Variants in MAD1L1 observed in about 807,000 individuals in gnomAD.
MAD1L1 encodes mitotic arrest deficient 1 like 1.
A neutral mutation model predicts 96.9 loss-of-function variants in MAD1L1; 95 were observed. That is an observed-to-expected ratio of 0.98 (90% CI 0.83 to 1.16). The LOEUF is 1.16. Among genes scored for constraint, MAD1L1 ranks in the 50% most tolerant of loss-of-function variants. The pLI is 0.00. For synonymous variants in MAD1L1, 473 were observed against 396.6 expected (o/e 1.19, Z -2.29); for missense variants, 1,007 against 954.4 (o/e 1.06, Z -0.73).
intron 12 of MAD1L1, among the ~76,000 whole-genome samples, chr7:2,047,291 G>A (rs760732168): frequency 3.3e-5 from 5 of 152,182 alleles, no homozygotes; most frequent in East Asian, 3.9e-4. Flanking sequence ...CCACCGGCAC[G>A]AGGAAACCCT....
Position 1,876,868 on chromosome 7 carries a change from TG to T in MAD1L1, c.1998+21331del, listed in dbSNP as rs1328117176. 2.8e-5 allele frequency among the ~76,000 whole-genome samples: 4 copies of T among 140,410 alleles called. No individual in the cohort carries two copies. The East Asian group carries it at 8.5e-4, about 30-fold the overall frequency. 92.1% of individuals were successfully genotyped at this position (140,410 alleles called of 152,430 possible). On this transcript the variant is annotated intron_variant, in intron 18 of 18. Transcript: ENST00000265854. ...ACACGCACAGGATGTCAACAGTATT[TG>T]TAGAATTAGCGAGGCAGCATGGGAA...
chr7:2,099,692 A>G (rs1786678926), intron 11 of MAD1L1, among the ~76,000 whole-genome samples: 1 of 152,234 alleles, frequency 6.6e-6, no homozygotes, highest in Non-Finnish European at 1.5e-5. Flanking sequence ...GACGTGGTTC[A>G]GAAGAGGTAC....
At chr7:2,212,128 G>A (rs55807679) in intron 10 of MAD1L1, among the ~76,000 whole-genome samples, 3,989 of 152,326 alleles carry the variant, frequency 0.026, 179 homozygotes, top group African/African-American at 0.091. Context: ...AAGGGCAGGG[G>A]CCAACTGAGC....
At chr7:2,149,826 C>A (rs1001978463) in intron 10 of MAD1L1, among the ~76,000 whole-genome samples, 1 of 152,204 alleles carries the variant, frequency 6.6e-6, no homozygotes, top group Non-Finnish European at 1.5e-5. Context: ...CAGCTGAGCT[C>A]GGCCCGAGCC....
chr7:2,214,899 T>C (rs1000672201), intron 9 of MAD1L1, among the ~76,000 whole-genome samples: 1 of 152,182 alleles, frequency 6.6e-6, no homozygotes, highest in Non-Finnish European at 1.5e-5. Context: ...AGTTTCCTGC[T>C]GCAACCGAAA....
At chr7:2,210,892 T>A (rs1307855887) in intron 10 of MAD1L1, among the ~76,000 whole-genome samples, 1 of 152,102 alleles carries the variant, frequency 6.6e-6, no homozygotes, top group Admixed American at 6.5e-5. Flanking sequence ...CCTCTCCAAC[T>A]CACAGGGCCC....
At chr7:1,970,039 T>C (rs1583951535) in intron 15 of MAD1L1, among the ~76,000 whole-genome samples, 1 of 152,330 alleles carries the variant, frequency 6.6e-6, no homozygotes, top group Non-Finnish European at 1.5e-5. Flanking sequence ...CTGACTTTTA[T>C]ACACAAACAA....
rs1319667231 is a variant in MAD1L1, at chr7:2,219,294, T to C, written c.596+38A>G. 31 of 1,529,462 alleles carry C rather than the reference T, an allele frequency of 2.0e-5. No homozygotes were observed. The East Asian group carries it at 6.9e-4, about 34-fold the overall frequency. The allele number at this position is 1,529,462 out of a possible 1,614,324, so 94.7% of individuals were successfully genotyped here. A position where few individuals can be genotyped will look rare whatever the true frequency, so the allele number is the denominator to read the frequency against. ...GAGGTGGGACGCATGCCCCCACACG[T>C]GACCCGACCCCCGACCCCACACCCT... is the stretch of plus-strand genomic sequence containing the variant. On this transcript the variant is annotated intron_variant, in intron 6 of 18. Transcript: ENST00000265854.
chr7:2,216,115 G>A lies in MAD1L1; in HGVS notation c.809+42C>T, dbSNP rs530792153. On this transcript the variant is annotated intron_variant, in intron 8 of 18. Coordinates refer to ENST00000265854, the MANE Select transcript of MAD1L1 (RefSeq NM_001013836.2). ...AGTGGGCTCCATGTGCACAAACCCA[G>A]ACTCACTCGAGGCGGCTGCCCCATC... 136 of 1,608,760 alleles carry A rather than the reference G, an allele frequency of 8.5e-5. 2 individuals carry two copies. The South Asian group carries it at 1.4e-3, about 16-fold the overall frequency.
At chr7:1,892,873 G>A (rs1786635089) in intron 18 of MAD1L1, among the ~76,000 whole-genome samples, 1 of 152,172 alleles carries the variant, frequency 6.6e-6, no homozygotes, top group Non-Finnish European at 1.5e-5. Flanking sequence ...AACTGCATTT[G>A]CTCTGTGTCC....
intron 11 of MAD1L1, among the ~76,000 whole-genome samples, chr7:2,087,498 C>G (rs562784399): frequency 9.8e-5 from 15 of 152,308 alleles, no homozygotes; most frequent in African/African-American, 3.6e-4. Flanking sequence ...CGAGATCGCA[C>G]CACTGCACTC....
intron 18 of MAD1L1, among the ~76,000 whole-genome samples, chr7:1,889,685 T>C (rs961592035): frequency 6.6e-6 from 1 of 152,218 alleles, no homozygotes; most frequent in Non-Finnish European, 1.5e-5. Flanking sequence ...CACGCTTCTT[T>C]CCCCTGGGCT....
chr7:2,044,002 C>T (rs1445356284), intron 12 of MAD1L1, among the ~76,000 whole-genome samples: 2 of 152,318 alleles, frequency 1.3e-5, no homozygotes, highest in Middle Eastern at 3.4e-3. Context: ...ACGCAATGGA[C>T]GGCGGCAGCA....
At chr7:2,113,758 A>T (rs1007261596) in intron 11 of MAD1L1, among the ~76,000 whole-genome samples, 1 of 152,194 alleles carries the variant, frequency 6.6e-6, no homozygotes, top group African/African-American at 2.4e-5. Context: ...TCACACACCC[A>T]GAGGGACATG....
rs539341658 is a variant in MAD1L1 at position 2,079,227 on chromosome 7, A to G, written c.1074-9889T>C. Among the ~76,000 whole-genome samples, 20 of 152,236 alleles carry G rather than the reference A, an allele frequency of 1.3e-4. 1 individual carries two copies. The highest frequency in any genetic ancestry group is 4.3e-4 in the African/African-American group (18 of 41,542). On this transcript the variant is annotated intron_variant, in intron 11 of 18. Transcript: ENST00000265854. The stretch of plus-strand genomic sequence containing the variant: ...CCTCCTCCCTGGGGGGCAGGTTCAG[A>G]CTCGGAAGGGGCTGGGACTCCGAGA...
chr7:1,920,378 C>A (rs192909796), intron 17 of MAD1L1, among the ~76,000 whole-genome samples: 1 of 152,222 alleles, frequency 6.6e-6, no homozygotes, highest in Non-Finnish European at 1.5e-5. Context: ...GGAGCAGGGG[C>A]AGAGAAAGTC....
At chr7:2,042,022 GACACAC>G (rs969532696) in intron 12 of MAD1L1, among the ~76,000 whole-genome samples, 2 of 152,000 alleles carry the variant, frequency 1.3e-5, no homozygotes, top group African/African-American at 4.8e-5. Flanking sequence ...GAAAGACTTA[GACACAC>G]ACACGCACAC....
chr7:1,852,915 A>G (rs1283923063), intron 18 of MAD1L1, among the ~76,000 whole-genome samples: 1 of 152,114 alleles, frequency 6.6e-6, no homozygotes, highest in Non-Finnish European at 1.5e-5. Context: ...CCTGGAGCCC[A>G]TGTCTGCATC....
At chr7:2,034,873 C>T (rs1783395961) in intron 12 of MAD1L1, among the ~76,000 whole-genome samples, 2 of 152,214 alleles carry the variant, frequency 1.3e-5, no homozygotes, top group South Asian at 4.1e-4. Context: ...ACTTTTTGAT[C>T]AGTCCCCAAG....
Sources: allele counts gnomAD v4.1 joint callset (sites outside exome capture counted in the v4.1 genomes callset), GRCh38; gene constraint gnomAD v4.1.1; transcripts MANE v1.5; gene names NCBI Gene and HGNC (gene_info 2026-07-23, HGNC 2026-07-21).